The following KLF12 variants were observed in gnomAD, a reference collection of about 807,000 sequenced individuals.
The protein encoded by KLF12 is KLF transcription factor 12, also known as Krueppel-like factor 12.
In KLF12, 9 loss-of-function variants were observed where a neutral mutation model predicts 37.8. The observed-to-expected ratio is 0.24, with a 90% CI of 0.14 to 0.42. KLF12 has a LOEUF of 0.42. Among genes scored for constraint, KLF12 ranks in the 10% least tolerant of loss-of-function variants. KLF12 has a pLI of 1.00. For synonymous variants in KLF12, 208 were observed against 202.1 expected (o/e 1.03, Z -0.25); for missense variants, 411 against 516.0 (o/e 0.80, Z 1.97).
intron 6 of KLF12, among the ~76,000 whole-genome samples, chr13:73,737,733 C>T (rs940588400): frequency 2.6e-5 from 4 of 151,938 alleles, no homozygotes; most frequent in Admixed American, 6.6e-5. Flanking sequence ...TGGAAATATA[C>T]GAAACTGTCT....
intron 1 of KLF12, among the ~76,000 whole-genome samples, chr13:74,068,442 A>T (rs1003499092): frequency 6.6e-6 from 1 of 152,248 alleles, no homozygotes; most frequent in African/African-American, 2.4e-5. Context: ...TCCTGGTAAG[A>T]AGCATTAACA....
intron 6 of KLF12, among the ~76,000 whole-genome samples, chr13:73,731,183 G>A (rs141749991): frequency 4.5e-4 from 68 of 152,208 alleles, no homozygotes; most frequent in East Asian, 3.7e-3. Flanking sequence ...GGATAAGGGC[G>A]AGAGAGGAGC....
intron 3 of KLF12, among the ~76,000 whole-genome samples, chr13:73,858,187 A>G (rs2138777736): frequency 6.6e-6 from 1 of 152,282 alleles, no homozygotes; most frequent in African/African-American, 2.4e-5. Context: ...AAAGAAATCT[A>G]AAAGGGGAGC....
At chr13:73,849,375 TAAAAAAAAAAAAA>T (rs574332239) in intron 3 of KLF12, among the ~76,000 whole-genome samples, 16 of 98,986 alleles carry the variant, frequency 1.6e-4, no homozygotes, top group African/African-American at 6.7e-4. Context: ...GGAGACTCCA[TAAAAAAAAAAAAA>T]AAAAAAAAAA....
At chr13:74,156,901 T>C in the KLF12 span, among the ~76,000 whole-genome samples, 1 of 152,176 alleles carries the variant, frequency 6.6e-6, no homozygotes, top group Non-Finnish European at 1.5e-5. Context: ...TGCTTTCAAG[T>C]CTTAGCTATT....
chr13:74,087,662 G>A (rs1414782683), intron 1 of KLF12, among the ~76,000 whole-genome samples: 1 of 152,174 alleles, frequency 6.6e-6, no homozygotes, highest in East Asian at 1.9e-4. Context: ...TCAGCTTCTA[G>A]CCATATGATT....
intron 1 of KLF12, among the ~76,000 whole-genome samples, chr13:74,113,303 T>C (rs916466199): frequency 1.3e-5 from 2 of 152,208 alleles, no homozygotes; most frequent in Non-Finnish European, 2.9e-5. Context: ...AGATTTTCAA[T>C]GTAGACAAAA....
chr13:73,707,635 T>C (rs1202903104), intron 7 of KLF12, among the ~76,000 whole-genome samples: 2 of 152,174 alleles, frequency 1.3e-5, no homozygotes, highest in African/African-American at 2.4e-5. Context: ...TTATGTGGAA[T>C]GAGCTATTTA....
At chr13:74,180,583 A>T in the KLF12 span, among the ~76,000 whole-genome samples, 1 of 152,164 alleles carries the variant, frequency 6.6e-6, no homozygotes, top group Admixed American at 6.5e-5. Context: ...TGTCTTCTAA[A>T]CTCTAATGAC....
intron 3 of KLF12, among the ~76,000 whole-genome samples, chr13:73,862,985 T>C (rs1886003585): frequency 6.6e-6 from 1 of 152,176 alleles, no homozygotes; most frequent in Non-Finnish European, 1.5e-5. Context: ...TTCAATTATC[T>C]ACTCATAGAC....
At chr13:73,818,111 G>A (rs1883331135) in intron 4 of KLF12, among the ~76,000 whole-genome samples, 2 of 151,992 alleles carry the variant, frequency 1.3e-5, no homozygotes, top group Non-Finnish European at 2.9e-5. Flanking sequence ...TGGGCCCTAA[G>A]GGGCCATTTA....
In KLF12 at chr13:74,133,831, GCGCACACACACACACACACT is replaced by G. The variant is rs1298045566; in HGVS notation, c.-144_-125del. On this transcript the variant is annotated 5_prime_UTR_variant, in exon 1 of 8. Coordinates refer to ENST00000377669, the MANE Select transcript of KLF12 (RefSeq NM_007249.5). Reference sequence around the variant, plus strand: ...CCCTTTCTCTCTCTCACACGCGCGCGCGCACACACACACACACACTCGCACACACACGGCGTCACCCGCGC... The same window carrying G: ...CCCTTTCTCTCTCTCACACGCGCGCGCGCACACACACGGCGTCACCCGCGC... 5.5e-4 allele frequency among the ~76,000 whole-genome samples: 35 copies of G among 63,296 alleles called. No individual in the cohort carries two copies. Among genetic ancestry groups the G allele is most frequent in the Non-Finnish European group, 3.8e-4 (9 of 23,738 alleles). 41.5% of individuals were successfully genotyped at this position (63,296 alleles called of 152,430 possible).
chr13:74,261,487 G>A, the KLF12 span, among the ~76,000 whole-genome samples: 4 of 151,840 alleles, frequency 2.6e-5, no homozygotes, highest in Non-Finnish European at 4.4e-5. Context: ...AACCAAATTG[G>A]GTAAAAGCCT....
chr13:74,032,548 G>T (rs146980482), intron 1 of KLF12, among the ~76,000 whole-genome samples: 1 of 152,010 alleles, frequency 6.6e-6, no homozygotes, highest in Non-Finnish European at 1.5e-5. Context: ...CCTACCCAGC[G>T]TTCAGTGTCA....
rs1054441133 is a variant in KLF12, at chr13:73,693,914, G to A, written c.*1576C>T. 30 of 152,732 alleles carry A rather than the reference G, an allele frequency of 2.0e-4. 2 individuals carry two copies. The highest frequency in any genetic ancestry group is 1.8e-3 in the Admixed American group (28 of 15,300). 9.5% of individuals were successfully genotyped at this position (152,732 alleles called of 1,614,324 possible). ...TTTTTCTGAAAGAATGCTCGTTGGT[G>A]ATGTATTGCTTGTTTACTGTATATG... On this transcript the variant is annotated 3_prime_UTR_variant, in exon 8 of 8. Transcript: ENST00000377669.
chr13:74,166,367 T>C, the KLF12 span, among the ~76,000 whole-genome samples: 5 of 152,132 alleles, frequency 3.3e-5, no homozygotes, highest in African/African-American at 9.7e-5. Context: ...GCTGGGATTA[T>C]AGGCACGATC....
the KLF12 span, among the ~76,000 whole-genome samples, chr13:74,212,597 C>T: frequency 6.6e-6 from 1 of 152,126 alleles, no homozygotes; most frequent in East Asian, 1.9e-4. Flanking sequence ...AGATCAGAAC[C>T]TTGGGAAGCA....
intron 1 of KLF12, among the ~76,000 whole-genome samples, chr13:74,052,691 C>T (rs1419927696): frequency 2.6e-5 from 4 of 152,086 alleles, no homozygotes; most frequent in African/African-American, 7.2e-5. Context: ...TTGCACATCA[C>T]GGCCATAAGT....
the KLF12 span, among the ~76,000 whole-genome samples, chr13:74,214,525 G>C: frequency 7.9e-5 from 12 of 152,098 alleles, no homozygotes; most frequent in African/African-American, 2.7e-4. Flanking sequence ...TTGATCGTTT[G>C]GTTGGGAACA....
Sources: allele counts gnomAD v4.1 joint callset (sites outside exome capture counted in the v4.1 genomes callset), GRCh38; gene constraint gnomAD v4.1.1; transcripts MANE v1.5; gene names NCBI Gene and HGNC (gene_info 2026-07-23, HGNC 2026-07-21).